SIPA1L2: variants seen among roughly 807,000 people sequenced by gnomAD.
SIPA1L2 encodes the protein signal-induced proliferation-associated 1-like protein 2.
In SIPA1L2, 56 loss-of-function variants were observed where a neutral mutation model predicts 163.9. The ratio of observed to expected loss-of-function variants is 0.34; its 90% CI spans 0.28 to 0.43. The LOEUF (loss-of-function observed/expected upper bound fraction) is 0.43. Ranked by LOEUF, SIPA1L2 falls within the 20% of genes least tolerant of loss-of-function variation. The pLI is 1.00. For synonymous variants in SIPA1L2, 877 were observed against 865.7 expected, an observed-to-expected ratio of 1.01 and a Z score of -0.23; for missense variants, 1,974 against 2,193.5, an observed-to-expected ratio of 0.90 and a Z score of 2.00.
chr1:232,587,363 T>C (rs1660724691), intron 1 of SIPA1L2, among the ~76,000 whole-genome samples: 1 of 152,138 alleles, frequency 6.6e-6, no homozygotes, highest in Non-Finnish European at 1.5e-5. Context: ...TCTGTAATAC[T>C]AAGTTCATAA....
intron 7 of SIPA1L2, among the ~76,000 whole-genome samples, chr1:232,472,868 A>G (rs1170274457): frequency 6.6e-6 from 1 of 152,168 alleles, no homozygotes; most frequent in African/African-American, 2.4e-5. Flanking sequence ...TAGCATGATA[A>G]AAGGCCTGGA....
At chr1:232,519,461 C>T (rs778080890) in intron 2 of SIPA1L2, among the ~76,000 whole-genome samples, 9 of 151,094 alleles carry the variant, frequency 6.0e-5, no homozygotes, top group Non-Finnish European at 1.3e-4. Context: ...ACATGGAAAC[C>T]GTGCAATCTA....
chr1:232,443,645 G>A lies in SIPA1L2; in HGVS notation c.3394C>T (p.Pro1132Ser), dbSNP rs1198495277. ...SNQSSSSDPG[P>S]GGSGPWRPQV... ...GGTCTCCAGGGTCCGCTCCCGCCGG[G>A]TCCAGGGTCGCTGGAGGATGACTGG... Residue 1132 changes from proline to serine, a missense_variant, in exon 12 of 23, where the codon CCC becomes TCC. By Grantham distance (74) the Pro-to-Ser change is moderately conservative. Transcript: ENST00000674635. 2 of 1,609,562 alleles carry A rather than the reference G, an allele frequency of 1.2e-6. No individual in the cohort carries two copies. Among genetic ancestry groups the A allele is most frequent in the Non-Finnish European group, 1.7e-6 (2 of 1,178,104 alleles).
intron 8 of SIPA1L2, among the ~76,000 whole-genome samples, chr1:232,470,173 T>A (rs780402881): frequency 2.6e-5 from 4 of 152,164 alleles, no homozygotes; most frequent in Middle Eastern, 3.2e-3. Flanking sequence ...TTTAAGCCTA[T>A]CATTTGTATA....
intron 10 of SIPA1L2, among the ~76,000 whole-genome samples, chr1:232,457,136 G>T (rs1483391273): frequency 6.6e-6 from 1 of 152,134 alleles, no homozygotes; most frequent in East Asian, 1.9e-4. Flanking sequence ...CAAAACACAG[G>T]TGGCTTTGGA....
chr1:232,597,755 C>T (rs1413339727), intron 1 of SIPA1L2, among the ~76,000 whole-genome samples: 1 of 150,880 alleles, frequency 6.6e-6, no homozygotes, highest in Admixed American at 6.6e-5. Flanking sequence ...ATCACTCAGG[C>T]CCCTACTGTG....
chr1:232,584,690 C>T (rs1304477987), intron 1 of SIPA1L2, among the ~76,000 whole-genome samples: 4 of 152,174 alleles, frequency 2.6e-5, no homozygotes, highest in East Asian at 3.9e-4. Context: ...GAAGTTTTCC[C>T]TTGGCCCCTA....
chr1:232,518,326 C>A (rs969449168), intron 2 of SIPA1L2, among the ~76,000 whole-genome samples: 2 of 152,132 alleles, frequency 1.3e-5, no homozygotes, highest in African/African-American at 2.4e-5. Flanking sequence ...TTTGGAGAAT[C>A]ATTTAATTTG....
At chr1:232,541,420 A>G (rs569014653) in intron 2 of SIPA1L2, among the ~76,000 whole-genome samples, 2 of 152,282 alleles carry the variant, frequency 1.3e-5, no homozygotes, top group East Asian at 3.9e-4. Flanking sequence ...AGAAGACATA[A>G]AACCTTTAAC....
At chr1:232,628,880 A>G (rs542282334) in intron 1 of SIPA1L2, among the ~76,000 whole-genome samples, 11 of 152,188 alleles carry the variant, frequency 7.2e-5, no homozygotes, top group Non-Finnish European at 1.2e-4. Context: ...TTACTGGGCA[A>G]AGACATGAGA....
chr1:232,511,459 T>A (rs546466332), intron 3 of SIPA1L2, among the ~76,000 whole-genome samples: 90 of 152,366 alleles, frequency 5.9e-4, no homozygotes, highest in African/African-American at 1.8e-3. Context: ...CTGATTCATG[T>A]TGTCATAATG....
At chr1:232,471,222 A>G (rs1664780575) in intron 8 of SIPA1L2, 149 bp downstream of exon 8, 1 of 824,282 alleles carries the variant, frequency 1.2e-6, no homozygotes, top group African/African-American at 1.8e-5. Flanking sequence ...TAAAATGGGA[A>G]GAAGGCAATT....
intron 2 of SIPA1L2, among the ~76,000 whole-genome samples, chr1:232,528,598 C>A (rs1338153953): frequency 1.3e-5 from 2 of 152,194 alleles, no homozygotes; most frequent in East Asian, 1.9e-4. Flanking sequence ...TAGAGCCAGA[C>A]TAAGAGTAGA....
At chr1:232,581,392 CAT>C (rs1356894412) in intron 1 of SIPA1L2, among the ~76,000 whole-genome samples, 2 of 152,112 alleles carry the variant, frequency 1.3e-5, no homozygotes, top group African/African-American at 4.8e-5. Context: ...GCCACTGTCT[CAT>C]AGATCACAGA....
chr1:232,508,621 A>G (rs1267772649), intron 3 of SIPA1L2, among the ~76,000 whole-genome samples: 1 of 152,248 alleles, frequency 6.6e-6, no homozygotes, highest in African/African-American at 2.4e-5. Flanking sequence ...CCTTTGTCAC[A>G]GCCTGTTTCA....
intron 14 of SIPA1L2, 29 bp downstream of exon 14, chr1:232,441,262 A>T: frequency 6.5e-7 from 1 of 1,546,282 alleles, no homozygotes; most frequent in Admixed American, 2.1e-5. Flanking sequence ...TGGCTAGGCC[A>T]GTGAAGGGCT....
intron 19 of SIPA1L2, among the ~76,000 whole-genome samples, chr1:232,411,997 G>C (rs1335996590): frequency 6.6e-6 from 1 of 152,178 alleles, no homozygotes; most frequent in Non-Finnish European, 1.5e-5. Flanking sequence ...CTTATGCACA[G>C]AATACCTGAC....
chr1:232,513,063 G>C (rs535786370), intron 3 of SIPA1L2, among the ~76,000 whole-genome samples: 2 of 152,314 alleles, frequency 1.3e-5, no homozygotes, highest in East Asian at 3.9e-4. Flanking sequence ...CACCCAATAA[G>C]AAGGTGGTGA....
At chr1:232,516,186 G>A (rs1469462670) in intron 2 of SIPA1L2, among the ~76,000 whole-genome samples, 1 of 152,190 alleles carries the variant, frequency 6.6e-6, no homozygotes, top group Non-Finnish European at 1.5e-5. Context: ...ACATTAACAA[G>A]AGAGTTTTCA....
Sources: gnomAD v4.1 joint callset for allele counts (sites outside exome capture counted in the v4.1 genomes callset) on GRCh38, gnomAD v4.1.1 for gene constraint, MANE v1.5 for transcripts, NCBI Gene and HGNC (gene_info 2026-07-23, HGNC 2026-07-21) for gene names.